The following USP33 variants were observed in gnomAD, a reference collection of about 807,000 sequenced individuals.
USP33 encodes the protein ubiquitin specific peptidase 33.
In USP33, 46 loss-of-function variants were observed where a neutral mutation model predicts 124.2. The ratio of observed to expected loss-of-function variants is 0.37; its 90% CI spans 0.29 to 0.47. The LOEUF (loss-of-function observed/expected upper bound fraction) is 0.47. USP33 is among the 20% of genes least tolerant of loss of function. The probability of loss-of-function intolerance (pLI) is 0.99; values close to 1 mark genes in which losing one functional copy is unlikely to be tolerated. For synonymous variants in USP33, 350 were observed against 352.3 expected (o/e 0.99, Z 0.07); for missense variants, 851 against 1,070.6 (o/e 0.79, Z 2.86).
chr1:77,732,794 T>C (rs1036989271), intron 7 of USP33, among the ~76,000 whole-genome samples: 3 of 145,758 alleles, frequency 2.1e-5, no homozygotes, highest in African/African-American at 7.6e-5. Flanking sequence ...CTCTTCTTTT[T>C]TTTTTTTTTT....
rs1416656344 is a variant in USP33 at position 77,759,846 on chromosome 1, T to G, written c.-255A>C. ...CCGCAGCAGCCGCGGCTCCTTCCGGTGTCTCCGGGGCCGCCGCAGGCGTCT... is the reference window on the plus strand; with the variant it reads ...CCGCAGCAGCCGCGGCTCCTTCCGGGGTCTCCGGGGCCGCCGCAGGCGTCT... On this transcript the variant is annotated 5_prime_UTR_variant, in exon 1 of 24. Transcript: ENST00000370794. 3 of 393,250 alleles carry G rather than the reference T, an allele frequency of 7.6e-6. No homozygotes were observed. Among genetic ancestry groups the G allele is most frequent in the Non-Finnish European group, 9.0e-6 (2 of 223,098 alleles). 24.4% of individuals were successfully genotyped at this position (393,250 alleles called of 1,614,324 possible). A position where few individuals can be genotyped will look rare whatever the true frequency, so the allele number is the denominator to read the frequency against.
intron 1 of USP33, among the ~76,000 whole-genome samples, chr1:77,745,958 C>A (rs1679703133): frequency 6.6e-6 from 1 of 152,082 alleles, no homozygotes; most frequent in Non-Finnish European, 1.5e-5. Context: ...ACCCTAACAT[C>A]ACAATGAAAA....
chr1:77,729,343 G>T (rs1262783578), intron 9 of USP33, among the ~76,000 whole-genome samples: 2 of 148,810 alleles, frequency 1.3e-5, no homozygotes, highest in South Asian at 2.1e-4. Context: ...ACCAGCCAGG[G>T]CAACATAATG....
chr1:77,756,748 T>C (rs1490906787), intron 1 of USP33, among the ~76,000 whole-genome samples: 2 of 152,192 alleles, frequency 1.3e-5, no homozygotes, highest in Non-Finnish European at 2.9e-5. Context: ...TCTACCTGCT[T>C]CCTCACTTGT....
chr1:77,705,926 T>A (rs1028373738), intron 21 of USP33, among the ~76,000 whole-genome samples: 1 of 152,224 alleles, frequency 6.6e-6, no homozygotes, highest in Non-Finnish European at 1.5e-5. Context: ...GTCTTTTGTA[T>A]GTCTTACACT....
intron 21 of USP33, among the ~76,000 whole-genome samples, chr1:77,705,898 G>A (rs184109988): frequency 1.3e-3 from 199 of 152,202 alleles, no homozygotes; most frequent in African/African-American, 4.5e-3. Context: ...TCATATAAAT[G>A]AAATTAGACA....
At chr1:77,728,146 C>T (rs1677371227) in intron 10 of USP33, 149 bp downstream of exon 10, 2 of 808,066 alleles carry the variant, frequency 2.5e-6, no homozygotes, top group Non-Finnish European at 1.8e-6. Context: ...CTTTTATCCT[C>T]GGGTTCTATA....
At position 77,747,793 on chromosome 1, in the gene USP33, T is replaced by C. The variant is rs369763142; in HGVS notation, c.-51-6045A>G. Among the ~76,000 whole-genome samples, 146 of 152,342 alleles carry C rather than the reference T, an allele frequency of 9.6e-4. 1 individual carries two copies. Among genetic ancestry groups the C allele is most frequent in the African/African-American group, 3.4e-3 (140 of 41,580 alleles). On this transcript the variant is annotated intron_variant, in intron 1 of 23. Coordinates refer to ENST00000370794, the MANE Select transcript of USP33 (RefSeq NM_201624.3). The stretch of plus-strand genomic sequence containing the variant: ...GGCTTTGATCCATCTGGAATTTATC[T>C]TAAGATAGGAACCCAATTTTATTTT...
intron 14 of USP33, 148 bp from the exon 15 acceptor site, chr1:77,721,353 T>C: frequency 1.3e-6 from 1 of 755,208 alleles, no homozygotes; most frequent in Non-Finnish European, 2.2e-6. Flanking sequence ...TGAATCAGGT[T>C]ACTGTTTACC....
intron 21 of USP33, among the ~76,000 whole-genome samples, chr1:77,704,130 GTA>G (rs1480790130): frequency 6.7e-6 from 1 of 150,086 alleles, no homozygotes; most frequent in Admixed American, 6.6e-5. Context: ...AAAAAAAAAA[GTA>G]TATATGTGTG....
intron 21 of USP33, among the ~76,000 whole-genome samples, chr1:77,709,097 T>G (rs185708034): frequency 1.4e-3 from 210 of 152,312 alleles, no homozygotes; most frequent in Middle Eastern, 0.01. Flanking sequence ...AATGAGGGAG[T>G]TAAGTAGAAA....
rs776581282 is a variant in USP33 at position 77,740,768 on chromosome 1, T to TA, written c.198+108dup. 5.6e-5 allele frequency: 43 copies of TA among 762,880 alleles called. No individual in the cohort carries two copies. The African/African-American group carries it at 6.3e-4, about 11-fold the overall frequency. The allele number at this position is 762,880 out of a possible 1,614,324, so 47.3% of individuals were successfully genotyped here. On this transcript the variant is annotated intron_variant, in intron 4 of 23. Transcript: ENST00000370794. ...AGAGAATGTAAGTGAAGTTTTAACT[T>TA]AGAGTGCAAATTTGAATTACAACTT...
At chr1:77,697,549 C>A in intron 23 of USP33, 75 bp from the exon 24 acceptor site, 1 of 1,470,334 alleles carries the variant, frequency 6.8e-7, no homozygotes, top group South Asian at 1.4e-5. Context: ...AATGTACCCC[C>A]CAGCATGAAT....
chr1:77,702,170 A>C (rs909531911), intron 21 of USP33, among the ~76,000 whole-genome samples: 2 of 124,714 alleles, frequency 1.6e-5, no homozygotes, highest in East Asian at 2.0e-4. Context: ...AAAAAAAAAA[A>C]AAAAAAACCA....
At chr1:77,723,822 G>A (rs1308715595) in intron 11 of USP33, among the ~76,000 whole-genome samples, 4 of 151,738 alleles carry the variant, frequency 2.6e-5, no homozygotes, top group African/African-American at 9.7e-5. Flanking sequence ...CCACCACCAC[G>A]CCCAGCTATT....
In USP33 at chr1:77,728,458, G is replaced by A. The variant is rs1335879631; in HGVS notation, c.972C>T (p.Asn324=). The change falls in exon 10 of 24, where the codon AAC becomes AAT. Residue 324 remains asparagine (N), a synonymous_variant. Transcript: ENST00000370794. The part of the protein sequence containing the change: ...ETTMLIQDDE[N]NSEMSKDWQK... ...GCCAATCCTTTGACATTTCTGAATTGTTTTCATCATCCTGAATTAACATTG... is the reference window on the plus strand; with the variant it reads ...GCCAATCCTTTGACATTTCTGAATTATTTTCATCATCCTGAATTAACATTG... The A allele has an allele frequency of 6.2e-7, 1 of 1,613,918 alleles. No homozygotes were observed.
chr1:77,701,241 T>C, intron 22 of USP33, 128 bp downstream of exon 22: 2 of 627,274 alleles, frequency 3.2e-6, no homozygotes, highest in Non-Finnish European at 5.4e-6. Flanking sequence ...GTAAGATCCC[T>C]GAGGACAGGA....
intron 5 of USP33, among the ~76,000 whole-genome samples, chr1:77,737,362 A>C (rs1036467495): frequency 3.3e-5 from 5 of 152,232 alleles, no homozygotes; most frequent in African/African-American, 1.2e-4. Context: ...TCATAAAGTA[A>C]TTGCTTTTAA....
chr1:77,702,168 AAAAAAAAAAC>A (rs1390801213), intron 21 of USP33, among the ~76,000 whole-genome samples: 7 of 124,632 alleles, frequency 5.6e-5, no homozygotes, highest in Non-Finnish European at 3.9e-5. Flanking sequence ...AAAAAAAAAA[AAAAAAAAAAC>A]CAGTGGTACA....
Sources: allele counts gnomAD v4.1 joint callset (sites outside exome capture counted in the v4.1 genomes callset), GRCh38; gene constraint gnomAD v4.1.1; transcripts MANE v1.5; gene names NCBI Gene and HGNC (gene_info 2026-07-23, HGNC 2026-07-21).